Variants in NT5C observed in about 807,000 individuals in gnomAD.
The protein encoded by NT5C is 5', 3'-nucleotidase, cytosolic.
A neutral mutation model predicts 17.6 loss-of-function variants in NT5C; 14 were observed. That is an observed-to-expected ratio of 0.79 (90% CI 0.52 to 1.24). The LOEUF is 1.24. NT5C is among the 50% of genes most tolerant of loss of function. The pLI, the probability that NT5C is intolerant of heterozygous loss-of-function variation, is 0.00. For synonymous variants in NT5C, 153 were observed against 119.2 expected (o/e 1.28, Z -1.85); for missense variants, 328 against 278.3 (o/e 1.18, Z -1.27).
At position 75,130,746 on chromosome 17, in the gene NT5C, G is replaced by A. The variant is rs1388739374; in HGVS notation, c.451+7C>T. On this transcript the variant is annotated splice_region_variant and intron_variant, in intron 4 of 4. Coordinates refer to ENST00000245552, the MANE Select transcript of NT5C (RefSeq NM_014595.3). ...GCCTGGAGGCTGCCAAGGATAACGGGTCCAACCTCGAACTGTGTCCTTGTC... is the reference window on the plus strand; with the variant it reads ...GCCTGGAGGCTGCCAAGGATAACGGATCCAACCTCGAACTGTGTCCTTGTC... 1.2e-6 allele frequency: 2 copies of A among 1,613,876 alleles called. No individual in the cohort carries two copies. Among genetic ancestry groups the A allele is most frequent in the African/African-American group, 2.7e-5 (2 of 74,932 alleles).
Position 75,130,796 on chromosome 17 carries a change from C to G in NT5C, c.408G>C (p.Val136=). ...ERIILTRDKT[V]VLGDLLIDDK... ...CATCAATGAGCAGGTCCCCCAAGAC[C>G]ACCGTCTTGTCCCTTGTCAGGATAA... Residue 136 remains valine (V), a synonymous_variant, in exon 4 of 5, where the codon GTG becomes GTC. Coordinates refer to ENST00000245552, the MANE Select transcript of NT5C (RefSeq NM_014595.3). 1 of 1,614,158 alleles carries G rather than the reference C, an allele frequency of 6.2e-7. No individual in the cohort carries two copies. Among genetic ancestry groups the G allele is most frequent in the Non-Finnish European group, 8.5e-7 (1 of 1,180,018 alleles).
chr17:75,130,969 T>G (rs1424148032), intron 3 of NT5C, 76 bp downstream of exon 3: 1 of 1,601,760 alleles, frequency 6.2e-7, no homozygotes, highest in Admixed American at 1.7e-5. Flanking sequence ...CCCCACCTTC[T>G]GGGTTTCTGG....
In NT5C at chr17:75,131,734, T is replaced by C; in HGVS notation, c.-27A>G. The C allele has an allele frequency of 7.9e-7, 1 of 1,264,818 alleles. No homozygotes were observed. The highest frequency in any genetic ancestry group is 9.9e-7 in the Non-Finnish European group (1 of 1,005,724). 78.3% of individuals were successfully genotyped at this position (1,264,818 alleles called of 1,614,324 possible). A position where few individuals can be genotyped will look rare whatever the true frequency, so the allele number is the denominator to read the frequency against. On this transcript the variant is annotated 5_prime_UTR_variant, in exon 1 of 5. Transcript: ENST00000245552. ...GCCGCCGGGCCGGAGCTGCGAGCTC[T>C]CGGGGTCTGGGGGGCGCGGGCTCGG...
In NT5C at chr17:75,131,634, C is replaced by T. The variant is rs532673004; in HGVS notation, c.74G>A (p.Gly25Asp). ...LADFEAGLLR[G>D]FRRRFPEEPH... Reference sequence around the variant, plus strand: ...CTCCTCAGGGAAGCGGCGGCGGAAGCCCCGCAGGAGGCCGGCCTCGAAGTC... The same window carrying T: ...CTCCTCAGGGAAGCGGCGGCGGAAGTCCCGCAGGAGGCCGGCCTCGAAGTC... The change falls in exon 1 of 5, where the codon GGC becomes GAC. Residue 25 changes from glycine to aspartate, a missense_variant. Coordinates refer to ENST00000245552, the MANE Select transcript of NT5C (RefSeq NM_014595.3). The T allele has an allele frequency of 2.6e-5, 35 of 1,372,390 alleles. No homozygotes were observed. In the South Asian group the frequency reaches 5.6e-4, roughly 22 times the overall value. 85.0% of individuals were successfully genotyped at this position (1,372,390 alleles called of 1,614,324 possible). A position where few individuals can be genotyped will look rare whatever the true frequency, so the allele number is the denominator to read the frequency against.
At position 75,131,699 on chromosome 17, in the gene NT5C, C is replaced by G. The variant is rs2074130838; in HGVS notation, c.9G>C (p.Arg3=). 2.3e-6 allele frequency: 3 copies of G among 1,286,000 alleles called. No homozygotes were observed. Among genetic ancestry groups the G allele is most frequent in the African/African-American group, 3.1e-5 (2 of 64,798 alleles). 79.7% of individuals were successfully genotyped at this position (1,286,000 alleles called of 1,614,324 possible). A position where few individuals can be genotyped will look rare whatever the true frequency, so the allele number is the denominator to read the frequency against. The change falls in exon 1 of 5, where the codon CGG becomes CGC. Residue 3 remains arginine (R), a synonymous_variant. Coordinates refer to ENST00000245552, the MANE Select transcript of NT5C (RefSeq NM_014595.3). ...CCATGTCCACCAGCACGCGCACGCT[C>G]CGCGCCATCGCCGCCGGGCCGGAGC... MA[R]SVRVLVDMDG... is the part of the protein sequence containing the mutation.
In NT5C at chr17:75,131,517, G is replaced by A. The variant is rs2074125304; in HGVS notation, c.174+17C>T. On this transcript the variant is annotated intron_variant, in intron 1 of 4. Transcript: ENST00000245552. ...AGCGAGCGGGCCCTGCCCGGGTGGG[G>A]ACCCTGCGCCCCCTACCGCCAGGTC... 7.1e-7 allele frequency: 1 copy of A among 1,416,904 alleles called. No homozygotes were observed. Among genetic ancestry groups the A allele is most frequent in the Non-Finnish European group, 9.1e-7 (1 of 1,093,024 alleles). 87.8% of individuals were successfully genotyped at this position (1,416,904 alleles called of 1,614,324 possible).
chr17:75,131,683 C>G lies in NT5C; in HGVS notation c.25G>C (p.Val9Leu). 3 of 1,318,040 alleles carry G rather than the reference C, an allele frequency of 2.3e-6. No individual in the cohort carries two copies. The highest frequency in any genetic ancestry group is 2.9e-6 in the Non-Finnish European group (3 of 1,036,680). 81.6% of individuals were successfully genotyped at this position (1,318,040 alleles called of 1,614,324 possible). A position where few individuals can be genotyped will look rare whatever the true frequency, so the allele number is the denominator to read the frequency against. MARSVRVL[V>L]DMDGVLADFE... The stretch of plus-strand genomic sequence containing the variant: ...TCGGCCAGGACGCCGTCCATGTCCA[C>G]CAGCACGCGCACGCTCCGCGCCATC... The change falls in exon 1 of 5, where the codon GTG (valine) becomes CTG (leucine). Residue 9 changes from valine (V) to leucine (L), a missense_variant. Physicochemically the swap from Val to Leu is conservative, Grantham distance 32. Coordinates refer to ENST00000245552, the MANE Select transcript of NT5C (RefSeq NM_014595.3).
rs1373476736 is a variant in NT5C at position 75,131,671 on chromosome 17, C to A, written c.37G>T (p.Gly13Cys). 3 of 1,330,860 alleles carry A rather than the reference C, an allele frequency of 2.3e-6. No individual in the cohort carries two copies. In the African/African-American group the frequency reaches 4.6e-5, roughly 20 times the overall value. 82.4% of individuals were successfully genotyped at this position (1,330,860 alleles called of 1,614,324 possible). The part of the protein sequence containing the change: ...RSVRVLVDMD[G>C]VLADFEAGLL... ...CCGGCCTCGAAGTCGGCCAGGACGC[C>A]GTCCATGTCCACCAGCACGCGCACG... The change falls in exon 1 of 5, where the codon GGC becomes TGC. Residue 13 changes from glycine to cysteine, a missense_variant. Gly to Cys is a radical substitution (Grantham distance 159). Coordinates refer to ENST00000245552, the MANE Select transcript of NT5C (RefSeq NM_014595.3).
At position 75,131,642 on chromosome 17, in the gene NT5C, G is replaced by T; in HGVS notation, c.66C>A (p.Leu22=). The part of the protein sequence containing the change: ...DGVLADFEAG[L]LRGFRRRFPE... ...GGAAGCGGCGGCGGAAGCCCCGCAG[G>T]AGGCCGGCCTCGAAGTCGGCCAGGA... is the stretch of plus-strand genomic sequence containing the variant. Residue 22 remains leucine (L), a synonymous_variant, in exon 1 of 5, where the codon CTC becomes CTA. Transcript: ENST00000245552. 7.3e-7 allele frequency: 1 copy of T among 1,366,426 alleles called. No homozygotes were observed. The highest frequency in any genetic ancestry group is 3.0e-5 in the East Asian group (1 of 32,830). 84.6% of individuals were successfully genotyped at this position (1,366,426 alleles called of 1,614,324 possible).
In NT5C at chr17:75,131,586, C is replaced by G. The variant is rs1434812315; in HGVS notation, c.122G>C (p.Arg41Pro). The change falls in exon 1 of 5, where the codon CGC becomes CCC. Residue 41 changes from arginine (R) to proline (P), a missense_variant. Arg to Pro is a moderately radical substitution (Grantham distance 103). Coordinates refer to ENST00000245552, the MANE Select transcript of NT5C (RefSeq NM_014595.3). ...CTGCTCGCGGGCCAGGAAGCCGCGG[C>G]GTTGCTCCAGCGGCACGTGCGGCTC... Reference protein sequence around the residue: ...PEEPHVPLEQRRGFLAREQYR... With the variant: ...PEEPHVPLEQPRGFLAREQYR... 43 of 1,396,138 alleles carry G rather than the reference C, an allele frequency of 3.1e-5. No individual in the cohort carries two copies. The highest frequency in any genetic ancestry group is 3.9e-5 in the Non-Finnish European group (42 of 1,083,120). The allele number at this position is 1,396,138 out of a possible 1,614,324, so 86.5% of individuals were successfully genotyped here. A position where few individuals can be genotyped will look rare whatever the true frequency, so the allele number is the denominator to read the frequency against.
In NT5C at chr17:75,131,090, G is replaced by A; in HGVS notation, c.291C>T (p.Ile97=). 6.2e-7 allele frequency: 1 copy of A among 1,613,308 alleles called. No individual in the cohort carries two copies. The highest frequency in any genetic ancestry group is 2.2e-5 in the East Asian group (1 of 44,862). ...MNDLPDTQVF[I]CTSPLLKYHH... ...GGTACTTCAGCAGGGGGCTGGTGCA[G>A]ATGAAGACCTGCGTGCTGCGGAGAA... The change falls in exon 3 of 5, where the codon ATC becomes ATT. Residue 97 remains isoleucine (I), a synonymous_variant. Transcript: ENST00000245552.
Position 75,131,109 on chromosome 17 carries a change from C to T in NT5C, c.276-4G>A, listed in dbSNP as rs1278592295. 1 of 1,613,044 alleles carries T rather than the reference C, an allele frequency of 6.2e-7. No homozygotes were observed. The highest frequency in any genetic ancestry group is 2.2e-5 in the East Asian group (1 of 44,874). ...GGTGCAGATGAAGACCTGCGTGCTG[C>T]GGAGAAGGACGCGGTTACCGCCGGG... is the stretch of plus-strand genomic sequence containing the variant. On this transcript the variant is annotated splice_polypyrimidine_tract_variant and splice_region_variant and intron_variant, in intron 2 of 4. Coordinates refer to ENST00000245552, the MANE Select transcript of NT5C (RefSeq NM_014595.3).
intron 1 of NT5C, 24 bp from the exon 2 acceptor site, chr17:75,131,305 C>T: frequency 6.2e-7 from 1 of 1,609,118 alleles, no homozygotes; most frequent in Non-Finnish European, 8.5e-7. Context: ...GTTCTGGGTC[C>T]CGGCTTCCCG....
chr17:75,130,643 C>T lies in NT5C; in HGVS notation c.452-1G>A. 2 of 1,481,788 alleles carry T rather than the reference C, an allele frequency of 1.3e-6. No individual in the cohort carries two copies. The highest frequency in any genetic ancestry group is 1.8e-6 in the Non-Finnish European group (2 of 1,112,254). 91.8% of individuals were successfully genotyped at this position (1,481,788 alleles called of 1,614,324 possible). A position where few individuals can be genotyped will look rare whatever the true frequency, so the allele number is the denominator to read the frequency against. On this transcript the variant is annotated splice_acceptor_variant, in intron 4 of 4. Transcript: ENST00000245552. LOFTEE classifies it high-confidence loss of function. ...TCCCAGCTTGGGGTCTCCTCCTGGC[C>T]TAGGACAGTGAAAGACAGCGCGCTG...
chr17:75,131,399 C>G, intron 1 of NT5C, 118 bp from the exon 2 acceptor site: 1 of 1,387,932 alleles, frequency 7.2e-7, no homozygotes. Flanking sequence ...CAGGGGCACG[C>G]GCCCAAAGGC....
Position 75,131,639 on chromosome 17 carries a change from C to G in NT5C, c.69G>C (p.Leu23=). ...CAGGGAAGCGGCGGCGGAAGCCCCGCAGGAGGCCGGCCTCGAAGTCGGCCA... is the reference window on the plus strand; with the variant it reads ...CAGGGAAGCGGCGGCGGAAGCCCCGGAGGAGGCCGGCCTCGAAGTCGGCCA... The part of the protein sequence containing the change: ...GVLADFEAGL[L]RGFRRRFPEE... Residue 23 remains leucine (L), a synonymous_variant, in exon 1 of 5, where the codon CTG becomes CTC. Coordinates refer to ENST00000245552, the MANE Select transcript of NT5C (RefSeq NM_014595.3). 2 of 1,367,508 alleles carry G rather than the reference C, an allele frequency of 1.5e-6. No individual in the cohort carries two copies. The highest frequency in any genetic ancestry group is 1.9e-6 in the Non-Finnish European group (2 of 1,065,728). 84.7% of individuals were successfully genotyped at this position (1,367,508 alleles called of 1,614,324 possible). A position where few individuals can be genotyped will look rare whatever the true frequency, so the allele number is the denominator to read the frequency against.
intron 3 of NT5C, 76 bp from the exon 4 acceptor site, chr17:75,130,943 C>A (rs981786259): frequency 2.5e-6 from 4 of 1,608,746 alleles, no homozygotes; most frequent in Non-Finnish European, 3.4e-6. Context: ...GCTCTAAGCC[C>A]TTGAGAGCCC....
chr17:75,131,080 G>A lies in NT5C; in HGVS notation c.301C>T (p.Pro101Ser), dbSNP rs1171840834. Residue 101 changes from proline (P) to serine (S), a missense_variant, in exon 3 of 5, where the codon CCC becomes TCC. Coordinates refer to ENST00000245552, the MANE Select transcript of NT5C (RefSeq NM_014595.3). Reference sequence around the variant, plus strand: ...ACACAGTGGTGGTACTTCAGCAGGGGGCTGGTGCAGATGAAGACCTGCGTG... The same window carrying A: ...ACACAGTGGTGGTACTTCAGCAGGGAGCTGGTGCAGATGAAGACCTGCGTG... ...PDTQVFICTS[P>S]LLKYHHCVGE... The A allele has an allele frequency of 8.1e-6, 13 of 1,613,132 alleles. No individual in the cohort carries two copies. Among genetic ancestry groups the A allele is most frequent in the Non-Finnish European group, 1.0e-5 (12 of 1,179,834 alleles).
Position 75,131,206 on chromosome 17 carries a change from C to A in NT5C, c.250G>T (p.Val84Leu), listed in dbSNP as rs562767300. The change falls in exon 2 of 5, where the codon GTG becomes TTG. Residue 84 changes from valine to leucine, a missense_variant. Physicochemically the swap from Val to Leu is conservative, Grantham distance 32. Transcript: ENST00000245552. ...TCCGGTAGGTCGTTCATCTCCCGCA[C>A]AGCGTCCAAGGCTCCCGGGATGGGC... ...LEPIPGALDA[V>L]REMNDLPDTQ... is the part of the protein sequence containing the mutation. 2.6e-5 allele frequency: 42 copies of A among 1,613,940 alleles called. No individual in the cohort carries two copies. In the South Asian group the frequency reaches 4.6e-4, roughly 18 times the overall value.
Sources: gnomAD v4.1 joint callset for allele counts on GRCh38, gnomAD v4.1.1 for gene constraint, MANE v1.5 for transcripts, NCBI Gene and HGNC (gene_info 2026-07-23, HGNC 2026-07-21) for gene names.